NPNT: variants seen among roughly 807,000 people sequenced by gnomAD.
The protein encoded by NPNT is nephronectin.
In NPNT, 45 loss-of-function variants were observed where a neutral mutation model predicts 68.6. That is an observed-to-expected ratio of 0.66 (90% CI 0.52 to 0.84). NPNT has a LOEUF of 0.84. NPNT is among the 40% of genes least tolerant of loss of function. The pLI is 0.00. For synonymous variants in NPNT, 233 were observed against 253.3 expected (o/e 0.92, Z 0.76); for missense variants, 672 against 714.8 (o/e 0.94, Z 0.68).
chr4:105,911,872 GA>G, intron 2 of NPNT: 1 of 263,860 alleles, frequency 3.8e-6, no homozygotes, highest in Non-Finnish European at 7.3e-6. Flanking sequence ...TAATATTCTG[GA>G]AATGAAAAAT....
intron 8 of NPNT, among the ~76,000 whole-genome samples, chr4:105,952,835 G>A (rs1730936541): frequency 6.6e-6 from 1 of 152,194 alleles, no homozygotes; most frequent in African/African-American, 2.4e-5. Context: ...TTATCAGAGA[G>A]TCTTCTTACC....
chr4:105,930,470 A>C (rs1729027403), intron 3 of NPNT, among the ~76,000 whole-genome samples: 1 of 152,102 alleles, frequency 6.6e-6, no homozygotes, highest in South Asian at 2.1e-4. Context: ...GACTTCCATA[A>C]AAGTTGTTAG....
chr4:105,909,708 GA>G (rs1213437534), intron 2 of NPNT, among the ~76,000 whole-genome samples: 1 of 152,126 alleles, frequency 6.6e-6, no homozygotes, highest in African/African-American at 2.4e-5. Context: ...TTTTGACAAT[GA>G]AAAATATAGC....
chr4:105,959,229 T>TACAG, intron 10 of NPNT, 103 bp downstream of exon 10: 1 of 713,528 alleles, frequency 1.4e-6, no homozygotes, highest in Non-Finnish European at 2.5e-6. Context: ...ATCTCTGTGT[T>TACAG]TACTTGATAA....
intron 3 of NPNT, among the ~76,000 whole-genome samples, chr4:105,931,091 T>C (rs1019414810): frequency 4.6e-5 from 7 of 152,198 alleles, no homozygotes; most frequent in African/African-American, 1.7e-4. Flanking sequence ...TCCTTTACTT[T>C]TACTTTTATT....
rs778319042 is a variant in NPNT at position 105,942,526 on chromosome 4, C to T, written c.983C>T (p.Pro328Leu). The T allele has an allele frequency of 2.5e-6, 4 of 1,609,132 alleles. No homozygotes were observed. In the Admixed American group the frequency reaches 5.0e-5, roughly 20 times the overall value. ...PTPKPTPIPT[P>L]PPPPPLPTEL... Reference sequence around the variant, plus strand: ...CCAAAGCCAACACCAATTCCTACTCCACCACCACCACCACCCCTGCCAACA... The same window carrying T: ...CCAAAGCCAACACCAATTCCTACTCTACCACCACCACCACCCCTGCCAACA... The change falls in exon 8 of 12, where the codon CCA (proline) becomes CTA (leucine). Residue 328 changes from proline (P) to leucine (L), a missense_variant. Pro to Leu is a moderately conservative substitution (Grantham distance 98, BLOSUM62 -3). Coordinates refer to ENST00000379987, the MANE Select transcript of NPNT (RefSeq NM_001033047.3).
chr4:105,961,218 C>A (rs892242326), intron 10 of NPNT, among the ~76,000 whole-genome samples: 2 of 152,160 alleles, frequency 1.3e-5, no homozygotes, highest in Admixed American at 6.5e-5. Flanking sequence ...ACATCTGCAG[C>A]ATTATTGTGT....
At chr4:105,926,219 T>G (rs1333789739) in intron 2 of NPNT, among the ~76,000 whole-genome samples, 1 of 152,222 alleles carries the variant, frequency 6.6e-6, no homozygotes, top group Non-Finnish European at 1.5e-5. Flanking sequence ...TTCACAGATT[T>G]CATATTGCTG....
At position 105,968,916 on chromosome 4, in the gene NPNT, A is replaced by T; in HGVS notation, c.1624A>T (p.Arg542Trp). 6.2e-7 allele frequency: 1 copy of T among 1,612,492 alleles called. No homozygotes were observed. Among genetic ancestry groups the T allele is most frequent in the Non-Finnish European group, 8.5e-7 (1 of 1,178,704 alleles). The change falls in exon 12 of 12, where the codon AGG (arginine) becomes TGG (tryptophan). Residue 542 changes from arginine (R) to tryptophan (W), a missense_variant. Arg to Trp is a moderately radical substitution (Grantham distance 101, BLOSUM62 -3). Transcript: ENST00000379987. ...IKSVVFKGEK[R>W]RGHTGEIGLD... Reference sequence around the variant, plus strand: ...CTAGGTCGTCTTCAAAGGTGAAAAAAGGCGTGGTCACACTGGGGAGATTGG... The same window carrying T: ...CTAGGTCGTCTTCAAAGGTGAAAAATGGCGTGGTCACACTGGGGAGATTGG...
chr4:105,959,694 T>C (rs530692916), intron 10 of NPNT, among the ~76,000 whole-genome samples: 22 of 152,214 alleles, frequency 1.4e-4, no homozygotes, highest in South Asian at 6.2e-4. Flanking sequence ...ACATAGTTCC[T>C]TGGAACTCAA....
At chr4:105,940,783 A>G (rs1180730635) in intron 7 of NPNT, 147 bp downstream of exon 7, 11 of 710,044 alleles carry the variant, frequency 1.5e-5, no homozygotes, top group Non-Finnish European at 2.3e-5. Flanking sequence ...TCCACAAACA[A>G]TAAAATCACT....
Position 105,959,085 on chromosome 4 carries a change from A to G in NPNT, c.1304A>G (p.Lys435Arg), listed in dbSNP as rs1731475368. The change falls in exon 10 of 12, where the codon AAA becomes AGA. Residue 435 changes from lysine (K) to arginine (R), a missense_variant. Coordinates refer to ENST00000379987, the MANE Select transcript of NPNT (RefSeq NM_001033047.3). The stretch of plus-strand genomic sequence containing the variant: ...GGACTTTGTGGATGGATCAGGGAGA[A>G]AGACAATGACTTGCACTGGGAACCA... ...DHGLCGWIRE[K>R]DNDLHWEPIR... 1 of 1,613,582 alleles carries G rather than the reference A, an allele frequency of 6.2e-7. No homozygotes were observed. The highest frequency in any genetic ancestry group is 1.3e-5 in the African/African-American group (1 of 74,902).
chr4:105,962,813 T>C (rs1406460101), intron 10 of NPNT, among the ~76,000 whole-genome samples: 2 of 152,108 alleles, frequency 1.3e-5, no homozygotes, highest in African/African-American at 4.8e-5. Context: ...TACCTTTTCA[T>C]GGTTTTTTAT....
At chr4:105,940,458 A>G (rs903971462) in intron 6 of NPNT, 56 bp from the exon 7 acceptor site, 2 of 1,521,904 alleles carry the variant, frequency 1.3e-6, no homozygotes, top group African/African-American at 2.8e-5. Flanking sequence ...TATATTTTTT[A>G]TGTCATCATA....
intron 10 of NPNT, among the ~76,000 whole-genome samples, chr4:105,960,848 T>C (rs548733517): frequency 6.6e-6 from 1 of 152,260 alleles, no homozygotes; most frequent in East Asian, 1.9e-4. Context: ...TATTTAATTG[T>C]AGCAATTAAA....
intron 8 of NPNT, among the ~76,000 whole-genome samples, chr4:105,947,630 C>T (rs138019194): frequency 1.2e-4 from 19 of 152,298 alleles, no homozygotes; most frequent in African/African-American, 4.6e-4. Flanking sequence ...AGATCCCATA[C>T]TCCATGTACT....
chr4:105,955,569 T>G (rs555592631), intron 8 of NPNT, among the ~76,000 whole-genome samples: 3 of 151,848 alleles, frequency 2.0e-5, no homozygotes, highest in African/African-American at 4.8e-5. Flanking sequence ...TTTACAATCC[T>G]AAAAACATAG....
At chr4:105,962,157 A>G (rs1172876684) in intron 10 of NPNT, among the ~76,000 whole-genome samples, 1 of 152,226 alleles carries the variant, frequency 6.6e-6, no homozygotes, top group Non-Finnish European at 1.5e-5. Context: ...GAAATATGCT[A>G]TGTTTCAAGA....
intron 2 of NPNT, among the ~76,000 whole-genome samples, chr4:105,905,043 ATAATTTT>A: frequency 6.6e-6 from 1 of 151,618 alleles, no homozygotes; most frequent in South Asian, 2.1e-4. Context: ...GCCATTAGCC[ATAATTTT>A]TATACCTTTG....
Sources: gnomAD v4.1 joint callset for allele counts (sites outside exome capture counted in the v4.1 genomes callset) on GRCh38, gnomAD v4.1.1 for gene constraint, MANE v1.5 for transcripts, NCBI Gene and HGNC (gene_info 2026-07-23, HGNC 2026-07-21) for gene names.